The following AKAP6 variants were observed in gnomAD, a reference collection of about 807,000 sequenced individuals.
AKAP6 encodes A-kinase anchor protein 6.
A neutral mutation model predicts 188.5 loss-of-function variants in AKAP6; 58 were observed. The ratio of observed to expected loss-of-function variants is 0.31; its 90% CI spans 0.25 to 0.38. The LOEUF is 0.38. Ranked by LOEUF, AKAP6 falls within the 10% of genes least tolerant of loss-of-function variation. The pLI is 1.00. For synonymous variants in AKAP6, 989 were observed against 998.6 expected (o/e 0.99, Z 0.18); for missense variants, 2,710 against 2,740.0 (o/e 0.99, Z 0.24).
In AKAP6 at chr14:32,346,124, A is replaced by C. The variant is rs1031568874; in HGVS notation, c.-35+16716A>C. Among the ~76,000 whole-genome samples the C allele has an allele frequency of 1.6e-4, 25 of 152,244 alleles. 1 individual carries two copies. Among genetic ancestry groups the C allele is most frequent in the Admixed American group, 1.3e-4 (2 of 15,300 alleles). ...CCCCCATCATGAAGACCACTACTCT[A>C]GAGCATTAGTGGGAGGGGCCTGGCA... is the stretch of plus-strand genomic sequence containing the variant. On this transcript the variant is annotated intron_variant, in intron 1 of 13. Transcript: ENST00000280979.
Position 32,822,871 on chromosome 14 carries a change from A to G in AKAP6, c.5058A>G (p.Ala1686=), listed in dbSNP as rs758116374. 2.5e-6 allele frequency: 4 copies of G among 1,613,946 alleles called. No individual in the cohort carries two copies. Among genetic ancestry groups the G allele is most frequent in the Non-Finnish European group, 3.4e-6 (4 of 1,179,912 alleles). ...CTTCTATCAATGAAGACTCAGCGGC[A>G]TCTCTAACAGAACTTAGCAGCAGTG... The part of the protein sequence containing the change: ...IASSINEDSA[A]SLTELSSSDE... Residue 1686 remains alanine (A), a synonymous_variant, in exon 13 of 14, where the codon GCA becomes GCG. Transcript: ENST00000280979.
intron 3 of AKAP6, among the ~76,000 whole-genome samples, chr14:32,538,398 A>C (rs1882778537): frequency 6.6e-6 from 1 of 152,188 alleles, no homozygotes; most frequent in Non-Finnish European, 1.5e-5. Flanking sequence ...GTAAAGGAAG[A>C]TTCATTTTTC....
chr14:32,538,801 C>T (rs1361145039), intron 3 of AKAP6, among the ~76,000 whole-genome samples: 1 of 152,024 alleles, frequency 6.6e-6, no homozygotes, highest in African/African-American at 2.4e-5. Context: ...TAAGTGAATA[C>T]TTCTATGTAA....
At chr14:32,356,852 C>A (rs1039775878) in intron 1 of AKAP6, among the ~76,000 whole-genome samples, 2 of 152,056 alleles carry the variant, frequency 1.3e-5, no homozygotes, top group Non-Finnish European at 2.9e-5. Context: ...CTAATTTGTA[C>A]TCATCTATCA....
At chr14:32,465,394 T>C (rs1196580454) in intron 2 of AKAP6, among the ~76,000 whole-genome samples, 3 of 151,972 alleles carry the variant, frequency 2.0e-5, no homozygotes, top group African/African-American at 7.3e-5. Flanking sequence ...AACAGATATA[T>C]AGACCAATGG....
At chr14:32,808,703 A>G (rs1304325358) in intron 12 of AKAP6, among the ~76,000 whole-genome samples, 1 of 152,108 alleles carries the variant, frequency 6.6e-6, no homozygotes, top group Non-Finnish European at 1.5e-5. Flanking sequence ...TCTGAGCAGC[A>G]CTCATACAGT....
At chr14:32,385,243 A>G (rs1465197021) in intron 1 of AKAP6, 2 of 151,948 alleles carry the variant, frequency 1.3e-5, no homozygotes, top group Non-Finnish European at 2.9e-5. Flanking sequence ...GTTTACTCTG[A>G]TTCAAGCTTT....
At chr14:32,525,599 A>T (rs1013635916) in intron 2 of AKAP6, among the ~76,000 whole-genome samples, 9 of 152,208 alleles carry the variant, frequency 5.9e-5, no homozygotes, top group African/African-American at 1.9e-4. Flanking sequence ...TCAAAGCAGG[A>T]GGTGACCCAA....
chr14:32,587,534 G>C (rs984850329), intron 5 of AKAP6, among the ~76,000 whole-genome samples: 2 of 152,192 alleles, frequency 1.3e-5, no homozygotes, highest in South Asian at 2.1e-4. Context: ...AATCAAATGA[G>C]TGGGTTAAAG....
Position 32,833,096 on chromosome 14 carries a change from G to A in AKAP6, c.*3291G>A, listed in dbSNP as rs182079436. 60 of 152,318 alleles carry A rather than the reference G, an allele frequency of 3.9e-4. No homozygotes were observed. Among genetic ancestry groups the A allele is most frequent in the Admixed American group, 3.9e-3 (60 of 15,292 alleles). The allele number at this position is 152,318 out of a possible 1,614,324, so 9.4% of individuals were successfully genotyped here. ...TTCAGTGGCCCAGTCCAGTGCCTAA[G>A]TCATCTGGAATCTTCTCCTTACATC... is the stretch of plus-strand genomic sequence containing the variant. On this transcript the variant is annotated 3_prime_UTR_variant, in exon 14 of 14. Transcript: ENST00000280979.
rs1484123819 is a variant in AKAP6 at position 32,824,039 on chromosome 14, C to T, written c.6226C>T (p.Gln2076Ter). Residue 2076 changes from glutamine to a stop codon, truncating the protein, a stop_gained, in exon 13 of 14, where the codon CAA (glutamine) becomes TAA (stop). Transcript: ENST00000280979. LOFTEE classifies it high-confidence loss of function. The part of the protein sequence containing the change: ...MASTALKSKS[Q>*]PENEVAAPTS... ...TTCGACAGCCCTAAAAAGTAAATCTCAACCTGAAAACGAGGTGGCTGCTCC... is the reference window on the plus strand; with the variant it reads ...TTCGACAGCCCTAAAAAGTAAATCTTAACCTGAAAACGAGGTGGCTGCTCC... The T allele has an allele frequency of 1.9e-6, 3 of 1,613,894 alleles. No homozygotes were observed. The highest frequency in any genetic ancestry group is 2.5e-6 in the Non-Finnish European group (3 of 1,179,904).
chr14:32,439,406 G>A (rs897879962), intron 2 of AKAP6, among the ~76,000 whole-genome samples: 1 of 152,172 alleles, frequency 6.6e-6, no homozygotes, highest in East Asian at 1.9e-4. Flanking sequence ...AAAGGGGATG[G>A]TGAGTTGTGG....
At chr14:32,526,708 A>G (rs567735346) in intron 2 of AKAP6, among the ~76,000 whole-genome samples, 44 of 152,362 alleles carry the variant, frequency 2.9e-4, no homozygotes, top group Admixed American at 2.7e-3. Flanking sequence ...ATATGACAAA[A>G]GAAGAAACTA....
rs542459557 is a variant in AKAP6 at position 32,510,909 on chromosome 14, G to T, written c.325-24645G>T. Among the ~76,000 whole-genome samples the T allele has an allele frequency of 6.6e-5, 10 of 152,230 alleles. No individual in the cohort carries two copies. The South Asian group carries it at 2.1e-3, about 32-fold the overall frequency. ...GTGATAACACCGAGGGCTCCTTGGG[G>T]TCACTGATGATCTTGAGCTTTGCAC... On this transcript the variant is annotated intron_variant, in intron 2 of 13. Transcript: ENST00000280979.
intron 2 of AKAP6, among the ~76,000 whole-genome samples, chr14:32,509,994 T>C (rs921515404): frequency 6.6e-6 from 1 of 152,064 alleles, no homozygotes; most frequent in African/African-American, 2.4e-5. Context: ...CTCATGCAGA[T>C]TGAAAAACAA....
intron 4 of AKAP6, among the ~76,000 whole-genome samples, chr14:32,560,660 C>G (rs1883917529): frequency 6.6e-6 from 1 of 152,168 alleles, no homozygotes; most frequent in Admixed American, 6.5e-5. Flanking sequence ...GCAAATATTA[C>G]TATCGTGATG....
chr14:32,655,316 G>A (rs776854499), intron 7 of AKAP6, among the ~76,000 whole-genome samples: 2 of 152,130 alleles, frequency 1.3e-5, no homozygotes, highest in African/African-American at 2.4e-5. Context: ...CCACTAGAGC[G>A]TAGATGCAAG....
In AKAP6 at chr14:32,821,436, A is replaced by C. The variant is rs200476939; in HGVS notation, c.3623A>C (p.Asp1208Ala). 3.3e-5 allele frequency: 54 copies of C among 1,612,766 alleles called. No homozygotes were observed. Among genetic ancestry groups the C allele is most frequent in the Non-Finnish European group, 3.8e-5 (45 of 1,179,304 alleles). ...TLNVIDPGLM[D>A]LNGMSEDALE... Reference sequence around the variant, plus strand: ...AATGTGATTGATCCTGGCTTGATGGACCTAAATGGGATGAGTGAGGATGCC... The same window carrying C: ...AATGTGATTGATCCTGGCTTGATGGCCCTAAATGGGATGAGTGAGGATGCC... Residue 1208 changes from aspartate to alanine, a missense_variant, in exon 13 of 14, where the codon GAC (aspartate) becomes GCC (alanine). Around this residue, in one of 2 missense-constraint regions of AKAP6, gnomAD observed 2,473 missense variants for 2,426.1 expected, o/e 1.02. Transcript: ENST00000280979.
At chr14:32,380,803 T>A (rs1436197264) in intron 1 of AKAP6, among the ~76,000 whole-genome samples, 1 of 152,208 alleles carries the variant, frequency 6.6e-6, no homozygotes. Flanking sequence ...TAGTCAGTTA[T>A]AGAGAGCAAC....
Sources: gnomAD v4.1 joint callset for allele counts (sites outside exome capture counted in the v4.1 genomes callset) on GRCh38, gnomAD v4.1.1 for gene constraint, gnomAD v4.1.1 regional missense constraint, MANE v1.5 for transcripts, NCBI Gene and HGNC (gene_info 2026-07-23, HGNC 2026-07-21) for gene names.